The following PITPNM1 variants were observed in gnomAD, a reference collection of about 807,000 sequenced individuals.
The protein encoded by PITPNM1 is membrane-associated phosphatidylinositol transfer protein 1.
PITPNM1 carries 74 observed loss-of-function variants against 133.3 expected under a neutral mutation model. The ratio of observed to expected loss-of-function variants is 0.56; its 90% CI spans 0.46 to 0.67. The LOEUF is 0.67. Ranked by LOEUF, PITPNM1 falls within the 30% of genes least tolerant of loss-of-function variation. The pLI is 0.00. For synonymous variants in PITPNM1, 738 were observed against 741.4 expected, an observed-to-expected ratio of 1.00 and a Z score of 0.08; for missense variants, 1,398 against 1,739.5, an observed-to-expected ratio of 0.80 and a Z score of 3.49.
At chr11:67,496,952 A>T in intron 14 of PITPNM1, 8 of 286,190 alleles carry the variant, frequency 2.8e-5, no homozygotes, top group Middle Eastern at 9.5e-4. Flanking sequence ...AAAAAGGCTG[A>T]GAAGAGGGCA....
chr11:67,498,948 C>T lies in PITPNM1; in HGVS notation c.1225G>A (p.Asp409Asn). 1.2e-6 allele frequency: 2 copies of T among 1,612,814 alleles called. No individual in the cohort carries two copies. The highest frequency in any genetic ancestry group is 1.7e-6 in the Non-Finnish European group (2 of 1,179,654). ...TGGCTGACCATACTCGCCTCTGAGT[C>T]CCTGGGTGCTTGGGCCCCATCCTCA... Reference protein sequence around the residue: ...GIEDGAQAPRDSEGLDGAGEL... With the variant: ...GIEDGAQAPRNSEGLDGAGEL... The change falls in exon 9 of 24, where the codon GAC becomes AAC. Residue 409 changes from aspartate to asparagine, a missense_variant. Asp to Asn is a conservative substitution (Grantham distance 23). Coordinates refer to ENST00000356404, the MANE Select transcript of PITPNM1 (RefSeq NM_004910.3). This position sits in a 1 kb window ranked among gnomAD's most constrained non-coding sequence, Gnocchi z 5.7.
Position 67,495,479 on chromosome 11 carries a change from G to T in PITPNM1, c.2441C>A (p.Ala814Asp). Reference protein sequence around the residue: ...KGSELATDPPAQPAAPSTTSE... With the variant: ...KGSELATDPPDQPAAPSTTSE... ...GGTGGTGCTGGGGGCGGCTGGCTGG[G>T]CCGGGGGGTCAGTGGCCAACTCACT... is the stretch of plus-strand genomic sequence containing the variant. Residue 814 changes from alanine (A) to aspartate (D), a missense_variant, in exon 16 of 24, where the codon GCC (alanine) becomes GAC (aspartate). Physicochemically the swap from Ala to Asp is moderately radical, Grantham distance 126. Around this residue, in one of 5 missense-constraint regions of PITPNM1, gnomAD observed 574 missense variants for 698.7 expected, o/e 0.82. Transcript: ENST00000356404. The T allele has an allele frequency of 6.4e-7, 1 of 1,559,746 alleles. No individual in the cohort carries two copies. The highest frequency in any genetic ancestry group is 8.7e-7 in the Non-Finnish European group (1 of 1,153,252).
At chr11:67,494,529 G>C (rs1866044142) in intron 18 of PITPNM1, among the ~76,000 whole-genome samples, 169 bp from the exon 19 acceptor site, 1 of 152,156 alleles carries the variant, frequency 6.6e-6, no homozygotes, top group Non-Finnish European at 1.5e-5. Flanking sequence ...ACCCCGGCCT[G>C]AGAGCCTGTG....
chr11:67,492,122 C>T lies in PITPNM1; in HGVS notation c.3646G>A (p.Ala1216Thr). 1 of 1,612,132 alleles carries T rather than the reference C, an allele frequency of 6.2e-7. No homozygotes were observed. Among genetic ancestry groups the T allele is most frequent in the South Asian group, 1.1e-5 (1 of 91,084 alleles). Residue 1216 changes from alanine to threonine, a missense_variant, in exon 24 of 24, where the codon GCG becomes ACG. Around this residue, in one of 5 missense-constraint regions of PITPNM1, gnomAD observed 122 missense variants for 123.3 expected, o/e 0.99. Coordinates refer to ENST00000356404, the MANE Select transcript of PITPNM1 (RefSeq NM_004910.3). The stretch of plus-strand genomic sequence containing the variant: ...GGTGTTCCCGGGCCCTCACGCTCCG[C>T]CTGGCTGGGGCCCCTCGAGCGAAGC... ...QLLRSRGPSQ[A>T]EREGPGTPPT...
Position 67,494,961 on chromosome 11 carries a change from A to T in PITPNM1, c.2632-5T>A, listed in dbSNP as rs1212057635. 1.2e-6 allele frequency: 2 copies of T among 1,611,858 alleles called. No individual in the cohort carries two copies. Among genetic ancestry groups the T allele is most frequent in the African/African-American group, 1.3e-5 (1 of 74,814 alleles). On this transcript the variant is annotated splice_region_variant and splice_polypyrimidine_tract_variant and intron_variant, in intron 17 of 23. Transcript: ENST00000356404. ...TGGCCGCTCCTTCTCGATCACCTGC[A>T]CGGGACAGGGGGCGAGGCCTCTGTC... is the stretch of plus-strand genomic sequence containing the variant.
Position 67,493,938 on chromosome 11 carries a change from C to A in PITPNM1, c.2992G>T (p.Val998Leu), listed in dbSNP as rs773847865. The change falls in exon 20 of 24, where the codon GTG (valine) becomes TTG (leucine). Residue 998 changes from valine (V) to leucine (L), a missense_variant. This residue lies in a region of PITPNM1 where 233 missense variants were observed against 378.0 expected (regional missense o/e 0.62). Coordinates refer to ENST00000356404, the MANE Select transcript of PITPNM1 (RefSeq NM_004910.3). ...ERALGIGVYP[V>L]RMVVRGDHTY... ...CGCGCTCACCTGACCACCATGCGCA[C>A]GGGGTAGACACCAATGCCCAGCGCG... 1.3e-6 allele frequency: 2 copies of A among 1,583,154 alleles called. No individual in the cohort carries two copies. The highest frequency in any genetic ancestry group is 1.7e-6 in the Non-Finnish European group (2 of 1,163,820).
rs750372457 is a variant in PITPNM1, at chr11:67,498,214, G to A, written c.1593C>T (p.Ala531=). The part of the protein sequence containing the change: ...LATSSSRYQG[A]VATVIARTNQ... ...TGGTGCGGGCAATGACGGTGGCCAC[G>A]GCGCCCTGGTAGCGGGAGGATGAGG... is the stretch of plus-strand genomic sequence containing the variant. Residue 531 remains alanine, a synonymous_variant, in exon 11 of 24, where the codon GCC becomes GCT. Coordinates refer to ENST00000356404, the MANE Select transcript of PITPNM1 (RefSeq NM_004910.3). The surrounding 1 kb of genome is among the most constrained non-coding windows in gnomAD (Gnocchi z 5.7). 8 of 1,613,062 alleles carry A rather than the reference G, an allele frequency of 5.0e-6. No homozygotes were observed. In the East Asian group the frequency reaches 6.7e-5, roughly 13 times the overall value.
chr11:67,493,267 G>T lies in PITPNM1; in HGVS notation c.3342+143C>A, dbSNP rs895945133. 11 of 1,098,466 alleles carry T rather than the reference G, an allele frequency of 1.0e-5. No individual in the cohort carries two copies. The Admixed American group carries it at 2.4e-4, about 24-fold the overall frequency. 68.0% of individuals were successfully genotyped at this position (1,098,466 alleles called of 1,614,324 possible). ...ACACGGGGCCCCTCAAACTAGGGGA[G>T]CAGGACCGTAGCGGGCCGCTGCAGT... On this transcript the variant is annotated intron_variant, in intron 22 of 23. Transcript: ENST00000356404.
In PITPNM1 at chr11:67,493,483, A is replaced by G; in HGVS notation, c.3269T>C (p.Val1090Ala). The G allele has an allele frequency of 6.2e-7, 1 of 1,603,900 alleles. No homozygotes were observed. The highest frequency in any genetic ancestry group is 8.5e-7 in the Non-Finnish European group (1 of 1,175,838). ...GTGGGTGAGGCCGTCGCAGAAGGAGACGACGCCGTGGGGGAAGTTGTGCTG... is the reference window on the plus strand; with the variant it reads ...GTGGGTGAGGCCGTCGCAGAAGGAGGCGACGCCGTGGGGGAAGTTGTGCTG... Reference protein sequence around the residue: ...LSQHNFPHGVVSFCDGLTHDP... With the variant: ...LSQHNFPHGVASFCDGLTHDP... The change falls in exon 22 of 24, where the codon GTC becomes GCC. Residue 1090 changes from valine (V) to alanine (A), a missense_variant. By Grantham distance (64) the Val-to-Ala change is moderately conservative. This residue lies in a region of PITPNM1 where 233 missense variants were observed against 378.0 expected (regional missense o/e 0.62). Coordinates refer to ENST00000356404, the MANE Select transcript of PITPNM1 (RefSeq NM_004910.3).
In PITPNM1 at chr11:67,497,591, G is replaced by A. The variant is rs762823159; in HGVS notation, c.1871C>T (p.Pro624Leu). 1 of 1,606,400 alleles carries A rather than the reference G, an allele frequency of 6.2e-7. No individual in the cohort carries two copies. The highest frequency in any genetic ancestry group is 1.1e-5 in the South Asian group (1 of 90,274). Reference protein sequence around the residue: ...VEGLGRGSPEPSALPPQRIPS... With the variant: ...VEGLGRGSPELSALPPQRIPS... Reference sequence around the variant, plus strand: ...GATGCGCTGGGGAGGCAAGGCCGAGGGTTCTGGGCTGCCCCGACCCAGGCC... The same window carrying A: ...GATGCGCTGGGGAGGCAAGGCCGAGAGTTCTGGGCTGCCCCGACCCAGGCC... The change falls in exon 13 of 24, where the codon CCC (proline) becomes CTC (leucine). Residue 624 changes from proline to leucine, a missense_variant. By Grantham distance (98) the Pro-to-Leu change is moderately conservative. Coordinates refer to ENST00000356404, the MANE Select transcript of PITPNM1 (RefSeq NM_004910.3).
chr11:67,505,185 C>T lies in PITPNM1; in HGVS notation c.-42+3G>A, dbSNP rs2134343246. ...TGGCCCGCCTGCCGACGCCCCGGCT[C>T]ACCTCTAGCTTGAGGCGGGCGCCCC... On this transcript the variant is annotated splice_donor_region_variant and intron_variant, in intron 1 of 23. Coordinates refer to ENST00000356404, the MANE Select transcript of PITPNM1 (RefSeq NM_004910.3). The surrounding 1 kb of genome is among the most constrained non-coding windows in gnomAD (Gnocchi z 5.8). 1 of 152,480 alleles carries T rather than the reference C, an allele frequency of 6.6e-6. No individual in the cohort carries two copies. Among genetic ancestry groups the T allele is most frequent in the South Asian group, 2.1e-4 (1 of 4,844 alleles). The allele number at this position is 152,480 out of a possible 1,614,324, so 9.4% of individuals were successfully genotyped here. A position where few individuals can be genotyped will look rare whatever the true frequency, so the allele number is the denominator to read the frequency against.
At chr11:67,499,067 C>T (rs969803818) in intron 8 of PITPNM1, 66 bp from the exon 9 acceptor site, 3 of 1,496,866 alleles carry the variant, frequency 2.0e-6, no homozygotes, top group Non-Finnish European at 2.7e-6. Flanking sequence ...TCTGGCACTT[C>T]AGGCACCCCA....
chr11:67,502,697 T>G lies in PITPNM1; in HGVS notation c.100A>C (p.Ser34Arg). Residue 34 changes from serine (S) to arginine (R), a missense_variant, in exon 3 of 24, where the codon AGT (serine) becomes CGT (arginine). Ser to Arg is a moderately radical substitution (Grantham distance 110). Coordinates refer to ENST00000356404, the MANE Select transcript of PITPNM1 (RefSeq NM_004910.3). The surrounding 1 kb of genome is among the most constrained non-coding windows in gnomAD (Gnocchi z 5.9). ...MIQKKSREES[S>R]GEGSGVEILA... ...ATCTCCACGCCGCTGCCCTCACCAC[T>G]AGACTCCTCCCGGCTCTTTTTCTGT... The G allele has an allele frequency of 6.2e-7, 1 of 1,612,952 alleles. No individual in the cohort carries two copies. The highest frequency in any genetic ancestry group is 1.3e-5 in the African/African-American group (1 of 75,038).
chr11:67,492,891 C>T (rs1865977922), intron 23 of PITPNM1, 43 bp downstream of exon 23: 1 of 1,593,016 alleles, frequency 6.3e-7, no homozygotes, highest in Non-Finnish European at 8.6e-7. Context: ...GAGGGCCCTG[C>T]CCCCTGGTGG....
rs749007236 is a variant in PITPNM1 at position 67,493,470 on chromosome 11, G to A, written c.3282C>T (p.Asp1094=). 6.2e-6 allele frequency: 10 copies of A among 1,605,276 alleles called. No individual in the cohort carries two copies. The highest frequency in any genetic ancestry group is 8.5e-6 in the Non-Finnish European group (10 of 1,176,292). The change falls in exon 22 of 24, where the codon GAC becomes GAT. Residue 1094 remains aspartate (D), a synonymous_variant. Transcript: ENST00000356404. Reference sequence around the variant, plus strand: ...GGCGTAGTGGGTCGTGGGTGAGGCCGTCGCAGAAGGAGACGACGCCGTGGG... The same window carrying A: ...GGCGTAGTGGGTCGTGGGTGAGGCCATCGCAGAAGGAGACGACGCCGTGGG... ...NFPHGVVSFC[D]GLTHDPLRQK...
chr11:67,492,120 C>T lies in PITPNM1; in HGVS notation c.3648G>A (p.Ala1216=), dbSNP rs201936593. Residue 1216 remains alanine (A), a synonymous_variant, in exon 24 of 24, where the codon GCG becomes GCA. Transcript: ENST00000356404. ...GTGGTGTTCCCGGGCCCTCACGCTC[C>T]GCCTGGCTGGGGCCCCTCGAGCGAA... ...QLLRSRGPSQ[A]EREGPGTPPT... is the part of the protein sequence containing the mutation. 25 of 1,612,132 alleles carry T rather than the reference C, an allele frequency of 1.6e-5. No individual in the cohort carries two copies. The highest frequency in any genetic ancestry group is 5.3e-5 in the African/African-American group (4 of 75,058).
rs1162237394 is a variant in PITPNM1 at position 67,492,039 on chromosome 11, C to T, written c.3729G>A (p.Glu1243=). Residue 1243 remains glutamate (E), a synonymous_variant, in exon 24 of 24, where the codon GAG becomes GAA. Coordinates refer to ENST00000356404, the MANE Select transcript of PITPNM1 (RefSeq NM_004910.3). ...GTCCAGGCTGGTGTGGGCCTCACTC[C>T]TCGCTGTCCAGCTTCAGGCTGATGC... is the stretch of plus-strand genomic sequence containing the variant. ...ARSISLKLDS[E]E is the part of the protein sequence containing the mutation. 1 of 1,612,124 alleles carries T rather than the reference C, an allele frequency of 6.2e-7. No homozygotes were observed. Among genetic ancestry groups the T allele is most frequent in the Non-Finnish European group, 8.5e-7 (1 of 1,179,632 alleles).
Position 67,492,139 on chromosome 11 carries a change from G to T in PITPNM1, c.3629C>A (p.Ser1210Ter), listed in dbSNP as rs766766007. The change falls in exon 24 of 24, where the codon TCG (serine) becomes TAG (stop). Residue 1210 changes from serine (S) to a stop codon, truncating the protein, a stop_gained. Coordinates refer to ENST00000356404, the MANE Select transcript of PITPNM1 (RefSeq NM_004910.3). LOFTEE classifies it high-confidence loss of function. ...ACGCTCCGCCTGGCTGGGGCCCCTC[G>T]AGCGAAGCAGCTGGCTCTGTTTGCG... Reference protein sequence around the residue: ...FLRKQSQLLRSRGPSQAEREG... With the variant: ...FLRKQSQLLR 6.2e-7 allele frequency: 1 copy of T among 1,611,782 alleles called. No homozygotes were observed. The highest frequency in any genetic ancestry group is 1.7e-5 in the Admixed American group (1 of 60,016).
intron 12 of PITPNM1, 79 bp downstream of exon 12, chr11:67,497,838 G>T: frequency 6.7e-7 from 1 of 1,486,808 alleles, no homozygotes; most frequent in Non-Finnish European, 9.2e-7. Context: ...TGGCAGAGGG[G>T]TGGCATTCCA....
Sources: gnomAD v4.1 joint callset for allele counts (sites outside exome capture counted in the v4.1 genomes callset) on GRCh38, gnomAD v4.1.1 for gene constraint, gnomAD v4.1.1 regional missense constraint, Gnocchi (gnomAD v3.1) non-coding constraint, MANE v1.5 for transcripts, NCBI Gene and HGNC (gene_info 2026-07-23, HGNC 2026-07-21) for gene names.